ARHGEF4: variants seen among roughly 807,000 people sequenced by gnomAD.
The protein encoded by ARHGEF4 is Rho guanine nucleotide exchange factor 4, also known as APC-stimulated guanine nucleotide exchange factor 1.
In ARHGEF4, 119 loss-of-function variants were observed where a neutral mutation model predicts 162.0. The ratio of observed to expected loss-of-function variants is 0.73; its 90% confidence interval spans 0.63 to 0.86. The LOEUF (loss-of-function observed/expected upper bound fraction) is 0.86, where lower values mean the gene tolerates loss of function less well. Ranked by LOEUF, ARHGEF4 falls within the 40% of genes least tolerant of loss-of-function variation. The probability of loss-of-function intolerance (pLI) is 0.00; values close to 1 mark genes in which losing one functional copy is unlikely to be tolerated. For synonymous variants in ARHGEF4, 1,014 were observed against 979.9 expected (o/e 1.03, Z -0.65); for missense variants, 2,488 against 2,456.0 (o/e 1.01, Z -0.28).
intron 4 of ARHGEF4, among the ~76,000 whole-genome samples, chr2:130,986,699 C>T (rs2105268123): frequency 6.6e-6 from 1 of 152,198 alleles, no homozygotes; most frequent in African/African-American, 2.4e-5. Flanking sequence ...GAAGAGTCGC[C>T]CTAAGCAAGC....
At chr2:130,850,086 C>T (rs1205675064) in intron 1 of ARHGEF4, among the ~76,000 whole-genome samples, 1 of 152,162 alleles carries the variant, frequency 6.6e-6, no homozygotes, top group East Asian at 1.9e-4. Flanking sequence ...CCACCGGGAG[C>T]CTCCCCTACT....
At position 131,028,043 on chromosome 2, in the gene ARHGEF4, A is replaced by T; in HGVS notation, c.4084A>T (p.Ser1362Cys). ...DDLHSSSHHY[S>C]HPGGGGEQLA... ...CCTGCACAGCTCCAGCCACCACTAC[A>T]GCCACCCTGGAGGGGGTGGGGAGCA... The change falls in exon 5 of 14, where the codon AGC becomes TGC. Residue 1362 changes from serine (S) to cysteine (C), a missense_variant. By Grantham distance (112) the Ser-to-Cys change is moderately radical (BLOSUM62 -1). Transcript: ENST00000409359. 4.3e-6 allele frequency: 7 copies of T among 1,614,044 alleles called. No individual in the cohort carries two copies. Among genetic ancestry groups the T allele is most frequent in the Non-Finnish European group, 5.9e-6 (7 of 1,180,006 alleles).
intron 4 of ARHGEF4, among the ~76,000 whole-genome samples, chr2:131,006,549 C>G (rs957550188): frequency 2.6e-5 from 4 of 152,354 alleles, no homozygotes; most frequent in African/African-American, 9.6e-5. Context: ...CGTTTGTCTA[C>G]TATTCACTAG....
intron 3 of ARHGEF4, among the ~76,000 whole-genome samples, chr2:130,942,327 T>G (rs914425195): frequency 5.3e-4 from 80 of 151,906 alleles, no homozygotes; most frequent in African/African-American, 1.8e-3. Flanking sequence ...TTTTTTGTAT[T>G]TTTAGTAGAG....
chr2:130,920,820 C>T (rs981605027), intron 2 of ARHGEF4, among the ~76,000 whole-genome samples: 7 of 152,146 alleles, frequency 4.6e-5, no homozygotes, highest in Admixed American at 2.6e-4. Flanking sequence ...GTGATAATAT[C>T]GTGTATAGAG....
At chr2:131,039,769 G>A (rs1198849093) in intron 6 of ARHGEF4, 2 of 1,380,438 alleles carry the variant, frequency 1.4e-6, no homozygotes, top group Non-Finnish European at 1.9e-6. Flanking sequence ...GCACAAGCAG[G>A]GTCTAGGAAG....
intron 4 of ARHGEF4, among the ~76,000 whole-genome samples, chr2:130,958,778 T>A (rs1684450649): frequency 6.6e-6 from 1 of 152,128 alleles, no homozygotes; most frequent in African/African-American, 2.4e-5. Context: ...ATGGTTGTTT[T>A]TAAAACAGTG....
intron 4 of ARHGEF4, among the ~76,000 whole-genome samples, chr2:130,979,373 T>C (rs1685960463): frequency 6.6e-6 from 1 of 152,188 alleles, no homozygotes; most frequent in Non-Finnish European, 1.5e-5. Context: ...ATCCCAACCA[T>C]GTCTCTCTTG....
chr2:130,920,399 C>T (rs998353187), intron 2 of ARHGEF4, among the ~76,000 whole-genome samples: 1 of 152,148 alleles, frequency 6.6e-6, no homozygotes, highest in Non-Finnish European at 1.5e-5. Flanking sequence ...AGGCATGAAG[C>T]GGGTGCCAGA....
At chr2:130,964,559 T>A (rs946388641) in intron 4 of ARHGEF4, among the ~76,000 whole-genome samples, 3 of 152,214 alleles carry the variant, frequency 2.0e-5, no homozygotes, top group African/African-American at 4.8e-5. Flanking sequence ...GAGACTAGAA[T>A]TTGGTGCCCG....
chr2:130,984,837 TC>T (rs1686373155), intron 4 of ARHGEF4, among the ~76,000 whole-genome samples: 1 of 152,078 alleles, frequency 6.6e-6, no homozygotes, highest in Non-Finnish European at 1.5e-5. Context: ...GTGCTTCCTT[TC>T]TCCATCGGTT....
In ARHGEF4 at chr2:130,922,923, G is replaced by GATAT. The variant is rs60528259; in HGVS notation, c.3552+5440_3552+5443dup. ...GTGGCTTGTCTTTTCCCTCTTTAAT[G>GATAT]ATATATATATATATATATTTTGTTT... On this transcript the variant is annotated intron_variant, in intron 2 of 13. Coordinates refer to ENST00000409359, the MANE Select transcript of ARHGEF4 (RefSeq NM_001367493.1). 3.0e-3 allele frequency among the ~76,000 whole-genome samples: 442 copies of GATAT among 145,328 alleles called. 2 individuals are homozygous for GATAT. The highest frequency in any genetic ancestry group is 5.3e-3 in the South Asian group (24 of 4,564).
At position 131,035,719 on chromosome 2, in the gene ARHGEF4, G is replaced by C. The variant is rs965615804; in HGVS notation, c.4126-3134G>C. 39 of 985,446 alleles carry C rather than the reference G, an allele frequency of 4.0e-5. No homozygotes were observed. In the African/African-American group the frequency reaches 6.8e-4, roughly 17 times the overall value. 61.0% of individuals were successfully genotyped at this position (985,446 alleles called of 1,614,324 possible). ...CCCGTTTTAGGCCTTAAAATACGTG[G>C]TGTCAGTCTTCCCACGGGCAGAGCC... On this transcript the variant is annotated intron_variant, in intron 5 of 13. Transcript: ENST00000409359.
chr2:131,011,999 G>T, intron 4 of ARHGEF4: 1 of 683,728 alleles, frequency 1.5e-6, no homozygotes. Context: ...ATATGGATGT[G>T]AACTGAAAGA....
At chr2:130,947,599 A>G (rs1426883663) in intron 4 of ARHGEF4, among the ~76,000 whole-genome samples, 3 of 152,138 alleles carry the variant, frequency 2.0e-5, no homozygotes, top group Non-Finnish European at 2.9e-5. Flanking sequence ...CTTGAGTTTT[A>G]TGGCAGCCTG....
In ARHGEF4 at chr2:131,043,498, A is replaced by T; in HGVS notation, c.5072A>T (p.Glu1691Val). ...AGCTCAGAACTCATCTACTCGGGGG[A>T]GCTGACTCGAGTTACACAGCCTCAA... ...VRSSELIYSG[E>V]LTRVTQPQAK... The change falls in exon 11 of 14, where the codon GAG becomes GTG. Residue 1691 changes from glutamate (E) to valine (V), a missense_variant. By Grantham distance (121) the Glu-to-Val change is moderately radical (BLOSUM62 -2). Around this residue, in one of 6 missense-constraint regions of ARHGEF4, gnomAD observed 415 missense variants for 512.4 expected, o/e 0.81. Coordinates refer to ENST00000409359, the MANE Select transcript of ARHGEF4 (RefSeq NM_001367493.1). 1 of 1,613,962 alleles carries T rather than the reference A, an allele frequency of 6.2e-7. No individual in the cohort carries two copies. Among genetic ancestry groups the T allele is most frequent in the Non-Finnish European group, 8.5e-7 (1 of 1,179,994 alleles).
At chr2:130,867,248 T>A (rs548041491) in intron 1 of ARHGEF4, among the ~76,000 whole-genome samples, 1,767 of 151,672 alleles carry the variant, frequency 0.012, 18 homozygotes, top group African/African-American at 0.028. Flanking sequence ...TATTATTTTT[T>A]TTTTTTAATG....
rs1691321798 is a variant in ARHGEF4 at position 131,047,100 on chromosome 2, CCT to C, written c.*912_*913del. 3 of 152,528 alleles carry C rather than the reference CCT, an allele frequency of 2.0e-5. No homozygotes were observed. The highest frequency in any genetic ancestry group is 2.0e-4 in the Admixed American group (3 of 15,286). 9.4% of individuals were successfully genotyped at this position (152,528 alleles called of 1,614,324 possible). On this transcript the variant is annotated 3_prime_UTR_variant, in exon 14 of 14. Transcript: ENST00000409359. ...GGCAGCGGGTGTGTGGAGATGGCGC[CCT>C]GTCCTGCCAAGGGGCGCCAGGAGCA...
intron 1 of ARHGEF4, among the ~76,000 whole-genome samples, chr2:130,908,042 T>A (rs1034000903): frequency 6.6e-6 from 1 of 152,184 alleles, no homozygotes; most frequent in Non-Finnish European, 1.5e-5. Flanking sequence ...GTGGATTTGC[T>A]TGGTCATATG....
Sources: allele counts gnomAD v4.1 joint callset (sites outside exome capture counted in the v4.1 genomes callset), GRCh38; gene constraint gnomAD v4.1.1; regional missense constraint gnomAD v4.1.1; transcripts MANE v1.5; gene names NCBI Gene and HGNC (gene_info 2026-07-23, HGNC 2026-07-21).